LUZP2: variants seen among roughly 807,000 people sequenced by gnomAD.
LUZP2 encodes the protein leucine zipper protein 2.
A neutral mutation model predicts 51.6 loss-of-function variants in LUZP2; 52 were observed. The ratio of observed to expected loss-of-function variants is 1.01; its 90% confidence interval spans 0.81 to 1.27. The LOEUF is 1.27. Ranked by LOEUF, LUZP2 falls within the 50% of genes most tolerant of loss-of-function variation. The pLI is 0.00. For missense variants in LUZP2, 436 were observed against 395.4 expected, an observed-to-expected ratio of 1.10 and a Z score of -0.87; for synonymous variants, 154 against 137.3, an observed-to-expected ratio of 1.12 and a Z score of -0.85.
Position 24,966,529 on chromosome 11 carries a change from T to G in LUZP2, c.523-10062T>G, listed in dbSNP as rs569821531. Among the ~76,000 whole-genome samples, 106 of 150,380 alleles carry G rather than the reference T, an allele frequency of 7.0e-4. 2 individuals carry two copies. In the South Asian group the frequency reaches 0.021, roughly 30 times the overall value. On this transcript the variant is annotated intron_variant, in intron 7 of 11. Coordinates refer to ENST00000336930, the MANE Select transcript of LUZP2 (RefSeq NM_001009909.4). ...TTATGTTTGAGCTTTTACATTTAGG[T>G]CAATAATTCATTTCTAATTTTTGTT... is the stretch of plus-strand genomic sequence containing the variant.
At chr11:24,821,996 A>G (rs1850374998) in intron 5 of LUZP2, among the ~76,000 whole-genome samples, 1 of 150,898 alleles carries the variant, frequency 6.6e-6, no homozygotes, top group South Asian at 2.1e-4. Flanking sequence ...TTGTGTTACT[A>G]TTGACAGTTT....
At chr11:24,827,554 T>G (rs867360196) in intron 5 of LUZP2, among the ~76,000 whole-genome samples, 12 of 151,904 alleles carry the variant, frequency 7.9e-5, no homozygotes, top group Middle Eastern at 3.2e-3. Flanking sequence ...CATTCAAAGG[T>G]CTTGAAACTT....
chr11:24,986,499 G>T (rs1856191457), intron 9 of LUZP2, among the ~76,000 whole-genome samples: 1 of 150,312 alleles, frequency 6.7e-6, no homozygotes, highest in East Asian at 2.0e-4. Flanking sequence ...TATAAATCAG[G>T]GTCCTCCTAA....
At chr11:24,643,499 T>C (rs531495425) in intron 1 of LUZP2, among the ~76,000 whole-genome samples, 1 of 152,304 alleles carries the variant, frequency 6.6e-6, no homozygotes, top group South Asian at 2.1e-4. Flanking sequence ...TAACTATTGT[T>C]AGGGAAATGT....
chr11:24,870,771 A>G (rs1004974416), intron 5 of LUZP2, among the ~76,000 whole-genome samples: 3 of 152,092 alleles, frequency 2.0e-5, no homozygotes, highest in Non-Finnish European at 4.4e-5. Flanking sequence ...TAAAAATTTT[A>G]TTGAAAACAC....
intron 1 of LUZP2, among the ~76,000 whole-genome samples, chr11:24,646,099 A>G (rs1855452037): frequency 6.6e-6 from 1 of 152,066 alleles, no homozygotes; most frequent in South Asian, 2.1e-4. Flanking sequence ...TGTTGATAAC[A>G]TCAGCTTCAA....
At chr11:24,917,520 A>T (rs1853831817) in intron 7 of LUZP2, among the ~76,000 whole-genome samples, 1 of 152,158 alleles carries the variant, frequency 6.6e-6, no homozygotes, top group African/African-American at 2.4e-5. Flanking sequence ...TATAAGGTGT[A>T]AGGAAGGGAT....
At chr11:24,823,874 T>C (rs901640746) in intron 5 of LUZP2, among the ~76,000 whole-genome samples, 1 of 151,810 alleles carries the variant, frequency 6.6e-6, no homozygotes, top group East Asian at 1.9e-4. Context: ...CCATCCTGGC[T>C]AACATGGTGA....
chr11:24,761,449 A>G (rs1051436041), intron 4 of LUZP2, among the ~76,000 whole-genome samples: 10 of 152,280 alleles, frequency 6.6e-5, no homozygotes, highest in African/African-American at 1.9e-4. Context: ...TTACATTTCA[A>G]CATGAGATTA....
intron 1 of LUZP2, among the ~76,000 whole-genome samples, chr11:24,723,490 A>T (rs764540515): frequency 1.4e-4 from 21 of 152,334 alleles, no homozygotes; most frequent in Middle Eastern, 6.8e-3. Context: ...ACTAGAAAAA[A>T]TTGCTGTACA....
chr11:25,018,713 T>G (rs1423860314), intron 9 of LUZP2, among the ~76,000 whole-genome samples: 1 of 151,550 alleles, frequency 6.6e-6, no homozygotes, highest in Non-Finnish European at 1.5e-5. Flanking sequence ...GTTCAAGTGA[T>G]TCTCATGCCT....
chr11:24,606,019 C>T (rs1853904897), intron 1 of LUZP2, among the ~76,000 whole-genome samples: 3 of 151,748 alleles, frequency 2.0e-5, no homozygotes, highest in Admixed American at 6.6e-5. Flanking sequence ...TTTATATTGT[C>T]ACAAATGACA....
intron 5 of LUZP2, among the ~76,000 whole-genome samples, chr11:24,832,514 A>G (rs1047046689): frequency 6.6e-6 from 1 of 151,896 alleles, no homozygotes; most frequent in African/African-American, 2.4e-5. Flanking sequence ...GTAGTTTTCT[A>G]TAATATCTTG....
At chr11:24,945,176 A>G (rs1854864677) in intron 7 of LUZP2, among the ~76,000 whole-genome samples, 1 of 152,174 alleles carries the variant, frequency 6.6e-6, no homozygotes, top group Non-Finnish European at 1.5e-5. Context: ...GTCAAAATGC[A>G]TCCTTTCCGC....
intron 7 of LUZP2, among the ~76,000 whole-genome samples, chr11:24,970,457 G>C (rs895566598): frequency 7.9e-5 from 12 of 151,900 alleles, no homozygotes; most frequent in African/African-American, 2.9e-4. Flanking sequence ...AAAGACAACT[G>C]GATAGTTTTA....
At chr11:24,555,606 C>T (rs1216790337) in intron 1 of LUZP2, among the ~76,000 whole-genome samples, 1 of 152,156 alleles carries the variant, frequency 6.6e-6, no homozygotes, top group African/African-American at 2.4e-5. Flanking sequence ...AACTCAGAGA[C>T]ATTGCATGAA....
intron 4 of LUZP2, among the ~76,000 whole-genome samples, chr11:24,745,967 T>C (rs1859365795): frequency 6.6e-6 from 1 of 152,160 alleles, no homozygotes; most frequent in African/African-American, 2.4e-5. Context: ...CATGAGCTAC[T>C]GTGCCCAGTC....
chr11:25,051,284 T>G (rs1285275971), intron 10 of LUZP2, among the ~76,000 whole-genome samples: 1 of 150,904 alleles, frequency 6.6e-6, no homozygotes, highest in Admixed American at 6.6e-5. Flanking sequence ...GCCGCTGCAC[T>G]CCTGCCTGGG....
At chr11:24,903,026 T>C (rs555008412) in intron 5 of LUZP2, among the ~76,000 whole-genome samples, 1 of 152,314 alleles carries the variant, frequency 6.6e-6, no homozygotes, top group South Asian at 2.1e-4. Flanking sequence ...TATTTCTTAA[T>C]TCTAATAATG....
Sources: allele counts gnomAD v4.1 joint callset (sites outside exome capture counted in the v4.1 genomes callset), GRCh38; gene constraint gnomAD v4.1.1; transcripts MANE v1.5; gene names NCBI Gene and HGNC (gene_info 2026-07-23, HGNC 2026-07-21).